BBX: variants seen among roughly 807,000 people sequenced by gnomAD.
BBX encodes the protein HMG box transcription factor BBX.
In BBX, 30 loss-of-function variants were observed where a neutral mutation model predicts 100.2. The observed-to-expected ratio is 0.30, with a 90% CI of 0.22 to 0.41. The LOEUF is 0.41. BBX is among the 10% of genes least tolerant of loss of function. The probability of loss-of-function intolerance (pLI) is 1.00; values close to 1 mark genes in which losing one functional copy is unlikely to be tolerated. For missense variants in BBX, 1,023 were observed against 1,129.8 expected (o/e 0.91, Z 1.35); for synonymous variants, 376 against 388.1 (o/e 0.97, Z 0.37).
chr3:107,722,176 A>G (rs762625936), intron 5 of BBX, among the ~76,000 whole-genome samples: 31 of 152,036 alleles, frequency 2.0e-4, no homozygotes, highest in African/African-American at 3.1e-4. Context: ...CCATTTGCCA[A>G]TTGTTAAGTA....
chr3:107,792,387 C>A (rs76519269), intron 15 of BBX, among the ~76,000 whole-genome samples: 3,345 of 152,258 alleles, frequency 0.022, 121 homozygotes, highest in African/African-American at 0.074. Flanking sequence ...CTCAAATATG[C>A]TATCATTCCT....
intron 2 of BBX, among the ~76,000 whole-genome samples, chr3:107,602,485 A>G (rs1263397489): frequency 3.9e-5 from 6 of 152,196 alleles, no homozygotes; most frequent in Non-Finnish European, 7.3e-5. Flanking sequence ...AGGCCAAGGC[A>G]GGAGGATCAC....
At chr3:107,694,473 T>C (rs1262415934) in intron 3 of BBX, among the ~76,000 whole-genome samples, 17 of 147,252 alleles carry the variant, frequency 1.2e-4, no homozygotes, top group African/African-American at 3.5e-4. Context: ...TTGTCTTTGG[T>C]TCTGTTTATA....
At chr3:107,776,799 G>A (rs1056620274) in intron 12 of BBX, among the ~76,000 whole-genome samples, 1 of 152,074 alleles carries the variant, frequency 6.6e-6, no homozygotes, top group Non-Finnish European at 1.5e-5. Flanking sequence ...TGGGTATTCA[G>A]AGTATTTGAA....
intron 10 of BBX, among the ~76,000 whole-genome samples, chr3:107,769,169 CATAGATAGATAGATAG>C (rs61134656): frequency 0.058 from 7,655 of 132,422 alleles, 276 homozygotes; most frequent in Middle Eastern, 0.09. Context: ...CTCTATCATT[CATAGATAGATAGATAG>C]ATAGATAGAT....
At chr3:107,673,262 G>T (rs1399078687) in intron 3 of BBX, among the ~76,000 whole-genome samples, 1 of 152,166 alleles carries the variant, frequency 6.6e-6, no homozygotes, top group East Asian at 1.9e-4. Flanking sequence ...AGTAGAAATG[G>T]TTTCAGGAGT....
chr3:107,526,954 T>C (rs2047825445), intron 2 of BBX, among the ~76,000 whole-genome samples: 1 of 152,224 alleles, frequency 6.6e-6, no homozygotes, highest in South Asian at 2.1e-4. Flanking sequence ...TTGATCATAA[T>C]TTCTTTTAAA....
At chr3:107,683,517 A>G (rs116408342) in intron 3 of BBX, among the ~76,000 whole-genome samples, 14 of 152,266 alleles carry the variant, frequency 9.2e-5, no homozygotes, top group African/African-American at 2.9e-4. Context: ...GATAGATGCA[A>G]TGGTATACAC....
intron 7 of BBX, among the ~76,000 whole-genome samples, chr3:107,739,014 A>T (rs1228728202): frequency 2.6e-5 from 4 of 152,230 alleles, no homozygotes; most frequent in Non-Finnish European, 4.4e-5. Context: ...AGACACAGAA[A>T]GGTTGAATTT....
intron 10 of BBX, among the ~76,000 whole-genome samples, chr3:107,761,928 C>T (rs2065932801): frequency 6.6e-6 from 1 of 152,142 alleles, no homozygotes; most frequent in South Asian, 2.1e-4. Flanking sequence ...TGCATTATCC[C>T]TTCCATCCTA....
intron 6 of BBX, among the ~76,000 whole-genome samples, chr3:107,730,275 A>G (rs2063224248): frequency 6.6e-6 from 1 of 152,172 alleles, no homozygotes; most frequent in South Asian, 2.1e-4. Flanking sequence ...TTTAGCTTCA[A>G]ATCATTTGTT....
In BBX at chr3:107,682,192, G is replaced by A. The variant is rs564334593; in HGVS notation, c.-9-28260G>A. ...GAGTGAGGTTCGAGGAAGGAAAGAC[G>A]ACTTAAGTTGTTGGGAACTTTTCTT... On this transcript the variant is annotated intron_variant, in intron 3 of 17. Coordinates refer to ENST00000325805, the MANE Select transcript of BBX (RefSeq NM_001142568.3). 1.1e-4 allele frequency among the ~76,000 whole-genome samples: 16 copies of A among 152,152 alleles called. No individual in the cohort carries two copies. In the South Asian group the frequency reaches 1.2e-3, roughly 12 times the overall value.
chr3:107,719,199 T>C (rs373187600), intron 5 of BBX, among the ~76,000 whole-genome samples: 52 of 152,074 alleles, frequency 3.4e-4, no homozygotes, highest in African/African-American at 1.2e-3. Flanking sequence ...TTTAAAACTC[T>C]TTTTAGATGT....
chr3:107,700,583 T>TC (rs2060969557), intron 3 of BBX, among the ~76,000 whole-genome samples: 1 of 131,506 alleles, frequency 7.6e-6, no homozygotes, highest in Non-Finnish European at 1.6e-5. Context: ...TGCTATCCCT[T>TC]CCCCCTCCCC....
chr3:107,565,821 A>C (rs183834829), intron 2 of BBX, among the ~76,000 whole-genome samples: 17 of 151,556 alleles, frequency 1.1e-4, no homozygotes, highest in African/African-American at 4.1e-4. Context: ...CCTCTTTATC[A>C]GGTTAAGGAA....
chr3:107,792,329 T>G (rs2069147103), intron 15 of BBX, among the ~76,000 whole-genome samples: 1 of 152,230 alleles, frequency 6.6e-6, no homozygotes, highest in Non-Finnish European at 1.5e-5. Flanking sequence ...TTTGATTCAC[T>G]TATATCCAGA....
intron 10 of BBX, among the ~76,000 whole-genome samples, chr3:107,770,397 T>C (rs2066808350): frequency 6.6e-6 from 1 of 152,222 alleles, no homozygotes; most frequent in Admixed American, 6.5e-5. Context: ...TCTAGCCTTT[T>C]TTCCAGAACT....
chr3:107,568,539 A>G (rs2051106676), intron 2 of BBX, among the ~76,000 whole-genome samples: 2 of 152,118 alleles, frequency 1.3e-5, no homozygotes, highest in Admixed American at 1.3e-4. Flanking sequence ...GATTACAGGC[A>G]TGAGCCACTG....
At chr3:107,691,663 G>C (rs1441852118) in intron 3 of BBX, among the ~76,000 whole-genome samples, 1 of 152,158 alleles carries the variant, frequency 6.6e-6, no homozygotes, top group African/African-American at 2.4e-5. Context: ...CTTGGCAAAT[G>C]TGCAGGCTGA....
Sources: allele counts gnomAD v4.1 joint callset (sites outside exome capture counted in the v4.1 genomes callset), GRCh38; gene constraint gnomAD v4.1.1; transcripts MANE v1.5; gene names NCBI Gene and HGNC (gene_info 2026-07-23, HGNC 2026-07-21).